METTL4: variants seen among roughly 807,000 people sequenced by gnomAD.
The protein encoded by METTL4 is methyltransferase 4, N6-adenosine.
Under a neutral mutation model 54.0 loss-of-function variants are expected in METTL4, and 40 were observed. That is an observed-to-expected ratio of 0.74 (90% CI 0.58 to 0.96). The LOEUF is 0.96. METTL4 is among the 50% of genes least tolerant of loss of function. The pLI, the probability that METTL4 is intolerant of heterozygous loss-of-function variation, is 0.00. For missense variants in METTL4, 525 were observed against 549.0 expected (o/e 0.96, Z 0.44); for synonymous variants, 169 against 183.8 (o/e 0.92, Z 0.65).
At chr18:2,564,211 G>A (rs372639461) in intron 2 of METTL4, among the ~76,000 whole-genome samples, 4 of 151,458 alleles carry the variant, frequency 2.6e-5, no homozygotes, top group Admixed American at 6.6e-5. Flanking sequence ...AGACCATCCC[G>A]GCTAACATGG....
At chr18:2,567,920 T>C (rs910126802) in intron 1 of METTL4, among the ~76,000 whole-genome samples, 1 of 152,188 alleles carries the variant, frequency 6.6e-6, no homozygotes, top group Non-Finnish European at 1.5e-5. Flanking sequence ...TCAGAAGCAC[T>C]AAACCCTAGC....
intron 8 of METTL4, among the ~76,000 whole-genome samples, chr18:2,543,155 A>G (rs1383947159): frequency 2.0e-5 from 3 of 151,890 alleles, no homozygotes; most frequent in Non-Finnish European, 4.4e-5. Flanking sequence ...CCTTCTCCAT[A>G]AACTATTTAA....
At chr18:2,540,660 T>C in intron 8 of METTL4, 1 of 985,400 alleles carries the variant, frequency 1.0e-6, no homozygotes, top group Non-Finnish European at 1.2e-6. Flanking sequence ...AATTAAATGC[T>C]ACTAACCTTG....
intron 8 of METTL4, among the ~76,000 whole-genome samples, chr18:2,542,112 C>A (rs1486069752): frequency 6.6e-6 from 1 of 152,066 alleles, no homozygotes; most frequent in African/African-American, 2.4e-5. Context: ...GTTTTCAATG[C>A]TAAAAATGTG....
intron 7 of METTL4, 38 bp downstream of exon 7, chr18:2,544,615 A>C (rs772803765): frequency 8.1e-7 from 1 of 1,232,896 alleles, no homozygotes; most frequent in Non-Finnish European, 1.2e-6. Flanking sequence ...CGTAAAAATT[A>C]ATACATGTAT....
chr18:2,538,717 G>T lies in METTL4; in HGVS notation c.*283C>A. 1 of 349,814 alleles carries T rather than the reference G, an allele frequency of 2.9e-6. No homozygotes were observed. The highest frequency in any genetic ancestry group is 2.0e-5 in the African/African-American group (1 of 48,850). The allele number at this position is 349,814 out of a possible 1,614,324, so 21.7% of individuals were successfully genotyped here. ...AGGATTAAGACCTCTGGTCCACGGTGTATGTTTTCTGAACTTTTTCAATAG... is the reference window on the plus strand; with the variant it reads ...AGGATTAAGACCTCTGGTCCACGGTTTATGTTTTCTGAACTTTTTCAATAG... On this transcript the variant is annotated 3_prime_UTR_variant, in exon 9 of 9. Transcript: ENST00000574538.
chr18:2,569,454 T>G (rs908248462), intron 1 of METTL4, among the ~76,000 whole-genome samples: 2 of 152,160 alleles, frequency 1.3e-5, no homozygotes, highest in African/African-American at 4.8e-5. Context: ...TTACATGGCC[T>G]GGAGTCTCCG....
At chr18:2,550,149 T>A (rs796100505) in intron 5 of METTL4, among the ~76,000 whole-genome samples, 40 of 152,298 alleles carry the variant, frequency 2.6e-4, no homozygotes, top group African/African-American at 9.6e-4. Flanking sequence ...TGCTACAGTA[T>A]GAAGAATGTC....
At chr18:2,540,388 T>G in intron 8 of METTL4, 1 of 980,048 alleles carries the variant, frequency 1.0e-6, no homozygotes, top group South Asian at 4.7e-5. Context: ...AATTTAGGAA[T>G]GATAAGGGTT....
chr18:2,559,390 A>G (rs2072283022), intron 3 of METTL4, among the ~76,000 whole-genome samples: 1 of 151,966 alleles, frequency 6.6e-6, no homozygotes, highest in East Asian at 1.9e-4. Context: ...TACATGAGGT[A>G]TAGGCAAATT....
In METTL4 at chr18:2,537,744, T is replaced by C. The variant is rs561918292; in HGVS notation, c.*1256A>G. The C allele has an allele frequency of 2.5e-6, 1 of 396,854 alleles. No homozygotes were observed. The highest frequency in any genetic ancestry group is 4.4e-6 in the Non-Finnish European group (1 of 225,286). 24.6% of individuals were successfully genotyped at this position (396,854 alleles called of 1,614,324 possible). ...TCTAACATTTTACTTAGTGGATAAATATTTGTCAACAATCTGTAAATAGTA... is the reference window on the plus strand; with the variant it reads ...TCTAACATTTTACTTAGTGGATAAACATTTGTCAACAATCTGTAAATAGTA... On this transcript the variant is annotated 3_prime_UTR_variant, in exon 9 of 9. Coordinates refer to ENST00000574538, the MANE Select transcript of METTL4 (RefSeq NM_022840.5).
intron 4 of METTL4, chr18:2,553,698 C>A (rs528710404): frequency 1.3e-5 from 2 of 152,252 alleles, no homozygotes; most frequent in Admixed American, 1.3e-4. Flanking sequence ...TGTCCTTTCT[C>A]CCCCTTTTAT....
intron 5 of METTL4, among the ~76,000 whole-genome samples, chr18:2,552,443 TG>T (rs938081476): frequency 1.7e-4 from 26 of 152,246 alleles, no homozygotes; most frequent in African/African-American, 6.0e-4. Flanking sequence ...TGTTGTCCTT[TG>T]GTGTTAACAG....
chr18:2,560,662 G>C lies in METTL4; in HGVS notation c.459+3135C>G, dbSNP rs1030164370. ...GGAGGCCGAGGCGGGCAGATCATGA[G>C]GTCAGGAGATTGAGATCATCCTGGC... On this transcript the variant is annotated intron_variant, in intron 3 of 8. Transcript: ENST00000574538. 3.3e-5 allele frequency among the ~76,000 whole-genome samples: 5 copies of C among 152,136 alleles called. 1 individual carries two copies. Among genetic ancestry groups the C allele is most frequent in the African/African-American group, 1.2e-4 (5 of 41,428 alleles).
intron 8 of METTL4, chr18:2,539,745 G>A (rs1319609604): frequency 2.6e-6 from 2 of 771,132 alleles, no homozygotes; most frequent in Non-Finnish European, 3.1e-6. Context: ...GCCTCCCAAA[G>A]TGCTAGGATT....
intron 3 of METTL4, chr18:2,562,004 T>C (rs573298417): frequency 6.6e-6 from 1 of 152,208 alleles, no homozygotes; most frequent in African/African-American, 2.4e-5. Context: ...TCAGAACATT[T>C]AAAACCCAAT....
Position 2,538,685 on chromosome 18 carries a change from C to T in METTL4, c.*315G>A, listed in dbSNP as rs2071945890. 8.0e-6 allele frequency: 2 copies of T among 251,316 alleles called. No homozygotes were observed. The highest frequency in any genetic ancestry group is 4.8e-5 in the Admixed American group (1 of 20,664). The allele number at this position is 251,316 out of a possible 1,614,324, so 15.6% of individuals were successfully genotyped here. On this transcript the variant is annotated 3_prime_UTR_variant, in exon 9 of 9. Coordinates refer to ENST00000574538, the MANE Select transcript of METTL4 (RefSeq NM_022840.5). The stretch of plus-strand genomic sequence containing the variant: ...CTGTATGGGTCACACAAAACACATC[C>T]ATAGATAGGATTAAGACCTCTGGTC...
intron 5 of METTL4, among the ~76,000 whole-genome samples, chr18:2,552,028 A>G (rs1338459161): frequency 6.6e-6 from 1 of 152,088 alleles, no homozygotes; most frequent in Non-Finnish European, 1.5e-5. Context: ...CCCCGTCTCT[A>G]CTAAAAATAC....
chr18:2,539,292 C>T (rs1166446355), intron 8 of METTL4, 147 bp from the exon 9 acceptor site: 21 of 680,156 alleles, frequency 3.1e-5, no homozygotes, highest in Non-Finnish European at 7.3e-6. Context: ...ACAGGCTTTA[C>T]TATTTATAGT....
Sources: allele counts gnomAD v4.1 joint callset (sites outside exome capture counted in the v4.1 genomes callset), GRCh38; gene constraint gnomAD v4.1.1; transcripts MANE v1.5; gene names NCBI Gene and HGNC (gene_info 2026-07-23, HGNC 2026-07-21).